Variants in UNC5C observed in about 807,000 individuals in gnomAD.
UNC5C encodes netrin receptor UNC5C.
UNC5C carries 47 observed loss-of-function variants against 99.8 expected under a neutral mutation model. The observed-to-expected ratio is 0.47, with a 90% CI of 0.37 to 0.60. The LOEUF (loss-of-function observed/expected upper bound fraction) is 0.60, where lower values mean the gene tolerates loss of function less well. Among genes scored for constraint, UNC5C ranks in the 20% least tolerant of loss-of-function variants. The pLI is 0.00. For synonymous variants in UNC5C, 487 were observed against 452.2 expected (o/e 1.08, Z -0.98); for missense variants, 1,062 against 1,165.9 (o/e 0.91, Z 1.30).
intron 1 of UNC5C, among the ~76,000 whole-genome samples, chr4:95,469,327 C>T (rs1027926510): frequency 4.6e-5 from 7 of 152,130 alleles, no homozygotes; most frequent in South Asian, 2.1e-4. Flanking sequence ...CTAAAATTAT[C>T]GAACCATCCT....
intron 1 of UNC5C, among the ~76,000 whole-genome samples, chr4:95,378,271 T>C (rs1252972338): frequency 6.6e-6 from 1 of 152,194 alleles, no homozygotes; most frequent in Admixed American, 6.6e-5. Flanking sequence ...TGTAACTCAC[T>C]TTCAAAGTAG....
intron 1 of UNC5C, 70 bp from the exon 2 acceptor site, chr4:95,335,701 G>T: frequency 1.6e-6 from 2 of 1,238,462 alleles, no homozygotes; most frequent in Non-Finnish European, 2.2e-6. Flanking sequence ...TGCTAGTCAT[G>T]TAAAAATAGT....
At chr4:95,423,770 G>C (rs868521363) in intron 1 of UNC5C, among the ~76,000 whole-genome samples, 9 of 152,152 alleles carry the variant, frequency 5.9e-5, no homozygotes, top group African/African-American at 1.9e-4. Context: ...CTGCACACAT[G>C]ACAGAAAAGT....
chr4:95,267,740 C>T (rs934856498), intron 4 of UNC5C, among the ~76,000 whole-genome samples: 1 of 151,988 alleles, frequency 6.6e-6, no homozygotes. Context: ...ACTATAACCC[C>T]ATCTCTTTCT....
intron 1 of UNC5C, among the ~76,000 whole-genome samples, chr4:95,430,032 CAG>C (rs1319922416): frequency 6.6e-6 from 1 of 151,932 alleles, no homozygotes; most frequent in Non-Finnish European, 1.5e-5. Flanking sequence ...TGGTAGAAGA[CAG>C]AGGATATTTA....
chr4:95,259,946 C>T (rs1740158786), intron 4 of UNC5C, among the ~76,000 whole-genome samples: 1 of 152,136 alleles, frequency 6.6e-6, no homozygotes, highest in African/African-American at 2.4e-5. Context: ...TTAATGACAT[C>T]AGTCTCTCAG....
At chr4:95,527,955 G>A (rs1167024788) in intron 1 of UNC5C, among the ~76,000 whole-genome samples, 1 of 151,964 alleles carries the variant, frequency 6.6e-6, no homozygotes, top group African/African-American at 2.4e-5. Flanking sequence ...ATATTCATGG[G>A]CATCCTATAC....
At chr4:95,367,989 G>A (rs1744624836) in intron 1 of UNC5C, among the ~76,000 whole-genome samples, 1 of 152,172 alleles carries the variant, frequency 6.6e-6, no homozygotes, top group Non-Finnish European at 1.5e-5. Context: ...ATATGGTGCA[G>A]TGAATAGATG....
intron 14 of UNC5C, among the ~76,000 whole-genome samples, chr4:95,174,741 T>C (rs961215174): frequency 2.0e-4 from 30 of 148,410 alleles, no homozygotes; most frequent in African/African-American, 7.2e-4. Flanking sequence ...TGGAGAGTTC[T>C]GTAGATGTCT....
chr4:95,243,850 C>G (rs1343935255), intron 6 of UNC5C, among the ~76,000 whole-genome samples: 1 of 152,162 alleles, frequency 6.6e-6, no homozygotes, highest in Non-Finnish European at 1.5e-5. Flanking sequence ...CACACACACA[C>G]ATTTCTATTT....
intron 1 of UNC5C, among the ~76,000 whole-genome samples, chr4:95,339,716 A>T (rs1160160689): frequency 6.6e-6 from 1 of 152,090 alleles, no homozygotes; most frequent in Non-Finnish European, 1.5e-5. Context: ...TTTTCTATAA[A>T]TGCACACCCC....
chr4:95,299,306 G>A (rs1741786917), intron 3 of UNC5C, among the ~76,000 whole-genome samples: 1 of 152,164 alleles, frequency 6.6e-6, no homozygotes. Flanking sequence ...GCCAAGAAGA[G>A]CGGCCTCAGG....
At chr4:95,300,927 T>C (rs1741844539) in intron 3 of UNC5C, among the ~76,000 whole-genome samples, 1 of 152,088 alleles carries the variant, frequency 6.6e-6, no homozygotes, top group Non-Finnish European at 1.5e-5. Context: ...ATTGTTCATT[T>C]TAAAATAACT....
rs78986064 is a variant in UNC5C, at chr4:95,510,308, C to T, written c.124+38426G>A. ...CAAGTAAATATTTATCTTTCAAAGGCCAGGATTAAAGTTCGCTAAAACAGA... is the reference window on the plus strand; with the variant it reads ...CAAGTAAATATTTATCTTTCAAAGGTCAGGATTAAAGTTCGCTAAAACAGA... On this transcript the variant is annotated intron_variant, in intron 1 of 15. Transcript: ENST00000453304. Among the ~76,000 whole-genome samples the T allele has an allele frequency of 4.0e-5, 6 of 151,892 alleles. No homozygotes were observed. The East Asian group carries it at 1.2e-3, about 29-fold the overall frequency.
At chr4:95,484,341 G>A (rs1431621294) in intron 1 of UNC5C, among the ~76,000 whole-genome samples, 1 of 151,796 alleles carries the variant, frequency 6.6e-6, no homozygotes, top group Admixed American at 6.6e-5. Context: ...CTTGTAGCAA[G>A]GAAGGAATTT....
At chr4:95,215,380 T>TA (rs1738211776) in intron 10 of UNC5C, among the ~76,000 whole-genome samples, 1 of 152,206 alleles carries the variant, frequency 6.6e-6, no homozygotes, top group Non-Finnish European at 1.5e-5. Flanking sequence ...ATCAGGCTTC[T>TA]AAAGCACTAT....
intron 1 of UNC5C, among the ~76,000 whole-genome samples, chr4:95,337,941 C>T (rs943392646): frequency 9.2e-5 from 14 of 151,976 alleles, no homozygotes; most frequent in African/African-American, 3.1e-4. Context: ...ATAATATTCA[C>T]AAAGTAAAGT....
At chr4:95,480,244 A>C (rs942180734) in intron 1 of UNC5C, among the ~76,000 whole-genome samples, 1 of 151,860 alleles carries the variant, frequency 6.6e-6, no homozygotes, top group African/African-American at 2.4e-5. Flanking sequence ...CATAATGTAT[A>C]TAATGCATAT....
At chr4:95,507,574 A>G (rs532922876) in intron 1 of UNC5C, among the ~76,000 whole-genome samples, 171 of 152,050 alleles carry the variant, frequency 1.1e-3, no homozygotes, top group African/African-American at 4.0e-3. Flanking sequence ...GGATCCCAAG[A>G]CCCATTCTCT....
Sources: allele counts gnomAD v4.1 joint callset (sites outside exome capture counted in the v4.1 genomes callset), GRCh38; gene constraint gnomAD v4.1.1; transcripts MANE v1.5; gene names NCBI Gene and HGNC (gene_info 2026-07-23, HGNC 2026-07-21).